CHLSN: variants seen among roughly 807,000 people sequenced by gnomAD.
The protein encoded by CHLSN is cholesin.
chr7:1,079,744 G>A, the CHLSN span, among the ~76,000 whole-genome samples: 14 of 152,224 alleles, frequency 9.2e-5, no homozygotes, highest in Admixed American at 5.9e-4. Context: ...CCTCCAGAGG[G>A]TCCAGGGCCC....
chr7:1,085,956 G>A, the CHLSN span, among the ~76,000 whole-genome samples: 1 of 152,238 alleles, frequency 6.6e-6, no homozygotes, highest in Non-Finnish European at 1.5e-5. Flanking sequence ...AGTTCCTGCA[G>A]TCCGGGCCCT....
At chr7:1,030,748 C>A in the CHLSN span, among the ~76,000 whole-genome samples, 1 of 150,752 alleles carries the variant, frequency 6.6e-6, no homozygotes, top group Non-Finnish European at 1.5e-5. Flanking sequence ...CTCTCTCTCT[C>A]TCCCGGGGCA....
chr7:1,102,484 C>T, the CHLSN span, among the ~76,000 whole-genome samples: 1 of 152,376 alleles, frequency 6.6e-6, no homozygotes, highest in African/African-American at 2.4e-5. Flanking sequence ...AACACCAGGT[C>T]ACTGTCACTT....
the CHLSN span, among the ~76,000 whole-genome samples, chr7:982,190 G>A: frequency 6.6e-6 from 1 of 152,222 alleles, no homozygotes; most frequent in African/African-American, 2.4e-5. Context: ...CTGTACAGCA[G>A]GATAGAGGTA....
the CHLSN span, among the ~76,000 whole-genome samples, chr7:1,101,852 C>G: frequency 6.6e-6 from 1 of 152,256 alleles, no homozygotes; most frequent in South Asian, 2.1e-4. Context: ...AGCACGAAGC[C>G]CTGCTCGGCC....
the CHLSN span, among the ~76,000 whole-genome samples, chr7:1,013,987 C>T: frequency 2.0e-5 from 3 of 152,206 alleles, no homozygotes; most frequent in African/African-American, 7.2e-5. Context: ...AGATAAACTG[C>T]GACCCCGAGG....
chr7:1,103,341 C>T, the CHLSN span, among the ~76,000 whole-genome samples: 20,447 of 152,152 alleles, frequency 0.13, 1,625 homozygotes, highest in Middle Eastern at 0.27. Flanking sequence ...GAAAAACCCT[C>T]GCGCAGGGAG....
the CHLSN span, among the ~76,000 whole-genome samples, chr7:1,085,921 G>C: frequency 6.6e-6 from 1 of 152,174 alleles, no homozygotes; most frequent in Non-Finnish European, 1.5e-5. Flanking sequence ...CACACATCAA[G>C]TATTAAGTAG....
chr7:1,129,903 G>A, the CHLSN span, among the ~76,000 whole-genome samples: 1 of 152,158 alleles, frequency 6.6e-6, no homozygotes, highest in Non-Finnish European at 1.5e-5. Context: ...GTGAAAATCT[G>A]CCTGCTCTCT....
chr7:1,025,626 G>C, the CHLSN span: 2 of 143,840 alleles, frequency 1.4e-5, no homozygotes, highest in African/African-American at 6.0e-5. Flanking sequence ...ACAAGAGGTT[G>C]GGGGTGTGAT....
the CHLSN span, among the ~76,000 whole-genome samples, chr7:1,111,408 A>C: frequency 6.6e-6 from 1 of 152,230 alleles, no homozygotes; most frequent in African/African-American, 2.4e-5. Context: ...GAAAGACATA[A>C]AATGAAACCA....
At chr7:1,103,702 C>T in the CHLSN span, among the ~76,000 whole-genome samples, 5 of 152,244 alleles carry the variant, frequency 3.3e-5, no homozygotes, top group East Asian at 1.9e-4. Flanking sequence ...CCAACAGCGA[C>T]GTCCCCACCC....
At chr7:1,040,172 AAAAAT>A in the CHLSN span, among the ~76,000 whole-genome samples, 156 of 87,148 alleles carry the variant, frequency 1.8e-3, 2 homozygotes, top group African/African-American at 7.7e-3. Flanking sequence ...TTATCAATAA[AAAAAT>A]AAATTTAAAA....
At chr7:994,889 A>G in the CHLSN span, among the ~76,000 whole-genome samples, 1 of 152,258 alleles carries the variant, frequency 6.6e-6, no homozygotes, top group East Asian at 1.9e-4. Context: ...AAAAGCACGC[A>G]TGCCCACGCT....
chr7:1,092,555 A>G, the CHLSN span: 1 of 1,609,738 alleles, frequency 6.2e-7, no homozygotes, highest in Non-Finnish European at 8.5e-7. Context: ...CTGCCGGAGA[A>G]CGTCTTCATC....
chr7:1,125,314 A>G, the CHLSN span, among the ~76,000 whole-genome samples: 20 of 150,898 alleles, frequency 1.3e-4, no homozygotes, highest in Admixed American at 1.3e-3. Context: ...CCCCCTTTCC[A>G]CCTCCCTTTG....
At chr7:1,043,150 C>T in the CHLSN span, among the ~76,000 whole-genome samples, 1 of 151,830 alleles carries the variant, frequency 6.6e-6, no homozygotes, top group Admixed American at 6.6e-5. Flanking sequence ...CCCAGCTACT[C>T]AGGAGGCTGA....
the CHLSN span, among the ~76,000 whole-genome samples, chr7:1,070,545 G>A: frequency 7.0e-6 from 1 of 143,710 alleles, no homozygotes; most frequent in East Asian, 2.0e-4. Flanking sequence ...CGTGCACAGG[G>A]ACACACGCAC....
chr7:1,063,232 A>C, the CHLSN span, among the ~76,000 whole-genome samples: 1 of 152,174 alleles, frequency 6.6e-6, no homozygotes. Context: ...CGCTGTCCCC[A>C]AACAGCAAAT....
Sources: gnomAD v4.1 joint callset for allele counts (sites outside exome capture counted in the v4.1 genomes callset) on GRCh38, gnomAD v4.1.1 for gene constraint, MANE v1.5 for transcripts, NCBI Gene and HGNC (gene_info 2026-07-23, HGNC 2026-07-21) for gene names.